The following DLG2 variants were observed in gnomAD, a reference collection of about 807,000 sequenced individuals.
DLG2 encodes the protein disks large homolog 2.
DLG2 carries 45 observed loss-of-function variants against 132.5 expected under a neutral mutation model. The ratio of observed to expected loss-of-function variants is 0.34; its 90% CI spans 0.27 to 0.44. The LOEUF (loss-of-function observed/expected upper bound fraction) is 0.44, where lower values mean the gene tolerates loss of function less well. Among genes scored for constraint, DLG2 ranks in the 20% least tolerant of loss-of-function variants. The probability of loss-of-function intolerance (pLI) is 1.00; values close to 1 mark genes in which losing one functional copy is unlikely to be tolerated. For missense variants in DLG2, 1,045 were observed against 1,196.9 expected (o/e 0.87, Z 1.87); for synonymous variants, 424 against 419.6 (o/e 1.01, Z -0.13).
chr11:85,468,291 A>T (rs550990669), intron 3 of DLG2, among the ~76,000 whole-genome samples: 2 of 150,764 alleles, frequency 1.3e-5, no homozygotes, highest in East Asian at 2.0e-4. Flanking sequence ...TTTTGAGGGG[A>T]TTTTTGTGTC....
At chr11:85,265,558 C>T (rs79094047) in intron 4 of DLG2, among the ~76,000 whole-genome samples, 6,407 of 152,222 alleles carry the variant, frequency 0.042, 174 homozygotes, top group East Asian at 0.095. Flanking sequence ...GGGGTGGGTC[C>T]CTGGTGGAAA....
At chr11:85,024,208 T>A (rs1175478062) in intron 6 of DLG2, among the ~76,000 whole-genome samples, 1 of 152,148 alleles carries the variant, frequency 6.6e-6, no homozygotes, top group Non-Finnish European at 1.5e-5. Context: ...TAAAATGAGA[T>A]GCAGGATTAC....
At chr11:84,838,677 G>T (rs868327805) in intron 6 of DLG2, among the ~76,000 whole-genome samples, 10 of 152,046 alleles carry the variant, frequency 6.6e-5, no homozygotes, top group Middle Eastern at 3.4e-3. Context: ...TAAAATCAAG[G>T]CTGGTTCAAC....
chr11:85,229,249 A>G (rs1212666418), intron 4 of DLG2, among the ~76,000 whole-genome samples: 1 of 152,028 alleles, frequency 6.6e-6, no homozygotes, highest in African/African-American at 2.4e-5. Context: ...TCCATTTGAC[A>G]AAGGGCTAAT....
chr11:83,947,238 ATTTTT>A (rs10719155), intron 14 of DLG2, among the ~76,000 whole-genome samples: 1 of 151,556 alleles, frequency 6.6e-6, no homozygotes, highest in Non-Finnish European at 1.5e-5. Flanking sequence ...AACATTCTAG[ATTTTT>A]TTTTTAAGTT....
chr11:84,189,472 G>C (rs1490123829), intron 8 of DLG2, among the ~76,000 whole-genome samples: 3 of 152,160 alleles, frequency 2.0e-5, no homozygotes, highest in African/African-American at 7.2e-5. Context: ...CAATTACTGG[G>C]TATATACCCA....
chr11:85,013,112 G>A (rs2059291143), intron 6 of DLG2, among the ~76,000 whole-genome samples: 1 of 152,108 alleles, frequency 6.6e-6, no homozygotes, highest in Non-Finnish European at 1.5e-5. Flanking sequence ...AATACTTTTT[G>A]TTCCACATGC....
In DLG2 at chr11:85,612,437, C is replaced by T. The variant is rs187588593; in HGVS notation, c.-92-13649G>A. On this transcript the variant is annotated intron_variant, in intron 2 of 27. Transcript: ENST00000376104. ...TTCAGTGAGGAAACTCTTGTAGAAGCAGAGTTAGGAAAATTGCCTAATAAT... is the reference window on the plus strand; with the variant it reads ...TTCAGTGAGGAAACTCTTGTAGAAGTAGAGTTAGGAAAATTGCCTAATAAT... Among the ~76,000 whole-genome samples the T allele has an allele frequency of 3.9e-5, 6 of 152,338 alleles. No individual in the cohort carries two copies. The East Asian group carries it at 7.7e-4, about 20-fold the overall frequency.
rs138291030 is a variant in DLG2 at position 83,839,303 on chromosome 11, T to A, written c.1566-5533A>T. 6.2e-3 allele frequency among the ~76,000 whole-genome samples: 947 copies of A among 152,298 alleles called. 8 individuals carry two copies. The highest frequency in any genetic ancestry group is 0.024 in the Middle Eastern group (7 of 294). On this transcript the variant is annotated intron_variant, in intron 16 of 27. Coordinates refer to ENST00000376104, the MANE Select transcript of DLG2 (RefSeq NM_001142699.3). ...TTAATTATGATACTTACTTTAATAG[T>A]GAAGATAAATGACAAAAAATAAATT... is the stretch of plus-strand genomic sequence containing the variant.
chr11:84,653,484 C>T (rs1940100), intron 6 of DLG2, among the ~76,000 whole-genome samples: 9,008 of 152,212 alleles, frequency 0.059, 298 homozygotes, highest in South Asian at 0.084. Context: ...ATATTCCTGC[C>T]TCCAGTAATG....
At chr11:85,473,985 A>T (rs1187173460) in intron 3 of DLG2, among the ~76,000 whole-genome samples, 1 of 152,076 alleles carries the variant, frequency 6.6e-6, no homozygotes, top group African/African-American at 2.4e-5. Flanking sequence ...CGGTAGCCTC[A>T]ATAAATATAA....
At chr11:84,845,879 C>T (rs2081402811) in intron 6 of DLG2, among the ~76,000 whole-genome samples, 1 of 151,860 alleles carries the variant, frequency 6.6e-6, no homozygotes, top group Non-Finnish European at 1.5e-5. Flanking sequence ...AGGGTTTCAC[C>T]ACGTTGGCCA....
intron 19 of DLG2, among the ~76,000 whole-genome samples, chr11:83,571,655 G>A (rs185248039): frequency 8.3e-4 from 125 of 151,256 alleles, no homozygotes; most frequent in African/African-American, 2.9e-3. Context: ...TAATAAGCAC[G>A]ATGATAGTTT....
chr11:84,817,204 G>C (rs1426270637), intron 6 of DLG2, among the ~76,000 whole-genome samples: 1 of 151,962 alleles, frequency 6.6e-6, no homozygotes, highest in African/African-American at 2.4e-5. Context: ...CATTGTGCAG[G>C]AACCATTTCA....
chr11:83,582,797 T>C (rs2144996876), intron 19 of DLG2, among the ~76,000 whole-genome samples: 1 of 152,372 alleles, frequency 6.6e-6, no homozygotes, highest in African/African-American at 2.4e-5. Context: ...CTATATGTTT[T>C]ACTTATACTG....
At chr11:85,360,032 C>A (rs551678987) in intron 3 of DLG2, among the ~76,000 whole-genome samples, 3 of 152,060 alleles carry the variant, frequency 2.0e-5, no homozygotes, top group African/African-American at 7.2e-5. Flanking sequence ...ATACTCAGGG[C>A]GTGTGCTGAA....
intron 7 of DLG2, among the ~76,000 whole-genome samples, chr11:84,387,847 C>T (rs1375217620): frequency 1.3e-5 from 2 of 152,176 alleles, no homozygotes; most frequent in East Asian, 1.9e-4. Context: ...GATTTTTCTA[C>T]TTCTACATTC....
chr11:84,529,129 CAG>C (rs2099329307), intron 7 of DLG2, among the ~76,000 whole-genome samples: 1 of 152,122 alleles, frequency 6.6e-6, no homozygotes, highest in Non-Finnish European at 1.5e-5. Context: ...GAGAGATACA[CAG>C]AGTGTCTTTA....
intron 6 of DLG2, among the ~76,000 whole-genome samples, chr11:84,985,140 T>G (rs897477758): frequency 6.6e-6 from 1 of 152,204 alleles, no homozygotes; most frequent in Non-Finnish European, 1.5e-5. Flanking sequence ...TTAACATATT[T>G]ACAGAACATT....
Sources: gnomAD v4.1 joint callset for allele counts (sites outside exome capture counted in the v4.1 genomes callset) on GRCh38, gnomAD v4.1.1 for gene constraint, MANE v1.5 for transcripts, NCBI Gene and HGNC (gene_info 2026-07-23, HGNC 2026-07-21) for gene names.